ZNF346: variants seen among roughly 807,000 people sequenced by gnomAD.
ZNF346 encodes zinc finger protein 346.
In ZNF346, 23 loss-of-function variants were observed where a neutral mutation model predicts 33.7. The observed-to-expected ratio is 0.68, with a 90% CI of 0.49 to 0.97. The LOEUF (loss-of-function observed/expected upper bound fraction) is 0.97, where lower values mean the gene tolerates loss of function less well. Among genes scored for constraint, ZNF346 ranks in the 50% least tolerant of loss-of-function variants. ZNF346 has a pLI of 0.00. For missense variants in ZNF346, 340 were observed against 371.1 expected (o/e 0.92, Z 0.69); for synonymous variants, 134 against 142.4 (o/e 0.94, Z 0.42).
intron 1 of ZNF346, among the ~76,000 whole-genome samples, chr5:177,031,058 C>G (rs1328539631): frequency 6.6e-6 from 1 of 151,748 alleles, no homozygotes; most frequent in Non-Finnish European, 1.5e-5. Flanking sequence ...TGTTTTGAGA[C>G]AGAGTCTCGC....
chr5:177,059,778 T>A (rs996559108), intron 5 of ZNF346, among the ~76,000 whole-genome samples: 1 of 152,240 alleles, frequency 6.6e-6, no homozygotes, highest in African/African-American at 2.4e-5. Flanking sequence ...TATTGGACTT[T>A]TACCTAATAT....
Position 177,025,865 on chromosome 5 carries a change from T to C in ZNF346, c.175+2952T>C, listed in dbSNP as rs1360851816. Among the ~76,000 whole-genome samples, 3 of 152,200 alleles carry C rather than the reference T, an allele frequency of 2.0e-5. No individual in the cohort carries two copies. In the East Asian group the frequency reaches 5.8e-4, roughly 29 times the overall value. ...AGTGCCTTTTGAAGCACAAAAGTTTTAAGTTTTGATGAGATTAAATTTATC... is the reference window on the plus strand; with the variant it reads ...AGTGCCTTTTGAAGCACAAAAGTTTCAAGTTTTGATGAGATTAAATTTATC... On this transcript the variant is annotated intron_variant, in intron 1 of 6. Coordinates refer to ENST00000358149, the MANE Select transcript of ZNF346 (RefSeq NM_012279.4).
chr5:177,023,370 C>A, intron 1 of ZNF346: 1 of 686,138 alleles, frequency 1.5e-6, no homozygotes, highest in Non-Finnish European at 2.5e-6. Context: ...TCTCCTTACC[C>A]CCTGGGTTCC....
At chr5:177,037,335 C>G (rs1402124228) in intron 1 of ZNF346, among the ~76,000 whole-genome samples, 3 of 152,178 alleles carry the variant, frequency 2.0e-5, no homozygotes, top group Non-Finnish European at 4.4e-5. Flanking sequence ...GATTGATATA[C>G]CAATGATTCC....
intron 8 of ZNF346, among the ~76,000 whole-genome samples, chr5:177,073,828 AGG>A (rs34734185): frequency 1.3e-4 from 9 of 69,106 alleles, no homozygotes; most frequent in Admixed American, 4.6e-4. Context: ...CGGGCGGGGG[AGG>A]GGGGGGGTCC....
At chr5:177,071,292 C>T (rs551322433), downstream of ZNF346, among the ~76,000 whole-genome samples, 5 of 151,342 alleles carry the variant, frequency 3.3e-5, no homozygotes, top group Non-Finnish European at 5.9e-5. Context: ...CCCATCTGCT[C>T]GGGAGGCTGA....
chr5:177,063,758 C>T (rs892263254), intron 6 of ZNF346, among the ~76,000 whole-genome samples: 3 of 152,112 alleles, frequency 2.0e-5, no homozygotes, highest in Non-Finnish European at 4.4e-5. Context: ...TGTGGCGGCA[C>T]ACACCTGTAG....
chr5:177,041,780 CA>C lies in ZNF346; in HGVS notation c.288del (p.Lys96AsnfsTer6). The C allele has an allele frequency of 1.9e-6, 3 of 1,609,680 alleles. No individual in the cohort carries two copies. The highest frequency in any genetic ancestry group is 2.5e-6 in the Non-Finnish European group (3 of 1,176,586). ...ESQKLAHYQS[K>X]KHANKVKRYL... ...ATCTTTCTCCTGGGTTTTTGCAGAG[CA>C]AAAAACATGCCAACAAAGTGAAGAG... On this transcript the variant is annotated frameshift_variant, in exon 3 of 7. Coordinates refer to ENST00000358149, the MANE Select transcript of ZNF346 (RefSeq NM_012279.4). LOFTEE classifies it high-confidence loss of function.
In ZNF346 at chr5:177,067,670, A is replaced by G. The variant is rs866856126; in HGVS notation, c.*3071A>G. Among the ~76,000 whole-genome samples the G allele has an allele frequency of 6.6e-6, 1 of 152,328 alleles. No homozygotes were observed. The highest frequency in any genetic ancestry group is 3.4e-3 in the Middle Eastern group (1 of 294). Reference sequence around the variant, plus strand: ...CTTTCTTGCCCTTAGGGGTTCACACACAGTCAAAGATCATGATGACAATGA... The same window carrying G: ...CTTTCTTGCCCTTAGGGGTTCACACGCAGTCAAAGATCATGATGACAATGA... On this transcript the variant is annotated 3_prime_UTR_variant, in exon 7 of 7. Coordinates refer to ENST00000358149, the MANE Select transcript of ZNF346 (RefSeq NM_012279.4).
chr5:177,027,014 G>A (rs1278049914), intron 1 of ZNF346, among the ~76,000 whole-genome samples: 1 of 151,950 alleles, frequency 6.6e-6, no homozygotes, highest in East Asian at 1.9e-4. Context: ...ATCTCTCTGG[G>A]CCCTGATCAT....
At chr5:177,033,802 C>T (rs577831366) in intron 1 of ZNF346, among the ~76,000 whole-genome samples, 2 of 152,170 alleles carry the variant, frequency 1.3e-5, no homozygotes, top group South Asian at 4.1e-4. Context: ...GGATTACAGG[C>T]GTGAGCCACC....
chr5:177,041,062 T>G (rs373900802), intron 1 of ZNF346, 64 bp from the exon 2 acceptor site: 21 of 1,283,618 alleles, frequency 1.6e-5, no homozygotes, highest in Middle Eastern at 1.8e-4. Context: ...GAGGCAGGGT[T>G]CAAAGGCAGT....
At chr5:177,027,238 A>T (rs1056107715) in intron 1 of ZNF346, among the ~76,000 whole-genome samples, 2 of 151,836 alleles carry the variant, frequency 1.3e-5, no homozygotes, top group Middle Eastern at 3.4e-3. Flanking sequence ...TTTTTCGTAG[A>T]GACGGAGTTT....
At chr5:177,038,883 T>C (rs1052600360) in intron 1 of ZNF346, among the ~76,000 whole-genome samples, 14 of 95,698 alleles carry the variant, frequency 1.5e-4, no homozygotes, top group African/African-American at 5.9e-4. Flanking sequence ...TTCTTGTGTG[T>C]GTGTGTGTGT....
chr5:177,070,820 C>A (rs866244985), downstream of ZNF346, among the ~76,000 whole-genome samples: 2 of 151,980 alleles, frequency 1.3e-5, no homozygotes, highest in African/African-American at 2.4e-5. Context: ...AGAAGTGATT[C>A]TTTACTGGGG....
At chr5:177,043,195 C>T (rs143892002) in intron 3 of ZNF346, among the ~76,000 whole-genome samples, 1,746 of 151,952 alleles carry the variant, frequency 0.011, 11 homozygotes, top group South Asian at 0.025. Context: ...GACAGGGTCT[C>T]GCTTTGTTGC....
chr5:177,027,058 T>C (rs1049251553), intron 1 of ZNF346, among the ~76,000 whole-genome samples: 30 of 152,240 alleles, frequency 2.0e-4, no homozygotes, highest in African/African-American at 6.3e-4. Flanking sequence ...ATAAAAGTTA[T>C]CTTCTTTTTT....
At chr5:177,050,558 A>G (rs1049683474) in intron 4 of ZNF346, 193 bp from the exon 5 acceptor site, 2 of 615,732 alleles carry the variant, frequency 3.2e-6, no homozygotes, top group African/African-American at 3.7e-5. Flanking sequence ...CAATTAGAGA[A>G]TGCATTCACC....
chr5:177,057,086 G>A (rs960116193), intron 5 of ZNF346, among the ~76,000 whole-genome samples: 1 of 152,018 alleles, frequency 6.6e-6, no homozygotes, highest in Non-Finnish European at 1.5e-5. Flanking sequence ...CGAGGCGGGT[G>A]GATCATCTGA....
Sources: gnomAD v4.1 joint callset for allele counts (sites outside exome capture counted in the v4.1 genomes callset) on GRCh38, gnomAD v4.1.1 for gene constraint, MANE v1.5 for transcripts, NCBI Gene and HGNC (gene_info 2026-07-23, HGNC 2026-07-21) for gene names.